The following NCOA1 variants were observed in gnomAD, a reference collection of about 807,000 sequenced individuals.
NCOA1 encodes the protein nuclear receptor coactivator 1.
NCOA1 carries 35 observed loss-of-function variants against 150.9 expected under a neutral mutation model. That is an observed-to-expected ratio of 0.23 (90% CI 0.18 to 0.31). The LOEUF (loss-of-function observed/expected upper bound fraction) is 0.31, where lower values mean the gene tolerates loss of function less well. Ranked by LOEUF, NCOA1 falls within the 10% of genes least tolerant of loss-of-function variation. The pLI, the probability that NCOA1 is intolerant of heterozygous loss-of-function variation, is 1.00. For missense variants in NCOA1, 1,491 were observed against 1,749.3 expected, an observed-to-expected ratio of 0.85 and a Z score of 2.63; for synonymous variants, 590 against 630.0, an observed-to-expected ratio of 0.94 and a Z score of 0.95.
intron 14 of NCOA1, among the ~76,000 whole-genome samples, chr2:24,718,327 A>C (rs985317561): frequency 3.3e-5 from 5 of 152,226 alleles, no homozygotes; most frequent in African/African-American, 1.2e-4. Context: ...AGTGATGGCA[A>C]GGGTGTGGAA....
At chr2:24,541,626 A>G (rs1328478884) in intron 1 of NCOA1, among the ~76,000 whole-genome samples, 5 of 152,182 alleles carry the variant, frequency 3.3e-5, no homozygotes, top group Non-Finnish European at 1.5e-5. Flanking sequence ...AAGTTGACAT[A>G]AAGGGGAAAT....
chr2:24,601,928 G>A (rs530928304), intron 3 of NCOA1, among the ~76,000 whole-genome samples: 8 of 152,238 alleles, frequency 5.3e-5, no homozygotes, highest in South Asian at 2.1e-4. Context: ...GAACCACTGC[G>A]CCCAGCCACT....
intron 14 of NCOA1, among the ~76,000 whole-genome samples, chr2:24,718,558 G>A (rs75357786): frequency 6.6e-4 from 100 of 152,066 alleles, no homozygotes; most frequent in Non-Finnish European, 1.3e-3. Context: ...CTGGGTGGGC[G>A]CGGTGGCTCA....
At chr2:24,663,478 A>T (rs958096388) in intron 5 of NCOA1, among the ~76,000 whole-genome samples, 1 of 152,184 alleles carries the variant, frequency 6.6e-6, no homozygotes, top group East Asian at 1.9e-4. Context: ...GGCATATAAT[A>T]AGTATAGGAG....
chr2:24,499,406 A>G (rs891753182), intron 1 of NCOA1, among the ~76,000 whole-genome samples: 5 of 152,222 alleles, frequency 3.3e-5, no homozygotes, highest in African/African-American at 1.2e-4. Context: ...CAATATTCCA[A>G]CATTCCTCCA....
At chr2:24,493,484 G>A (rs1161755346) in intron 1 of NCOA1, among the ~76,000 whole-genome samples, 1 of 152,088 alleles carries the variant, frequency 6.6e-6, no homozygotes, top group African/African-American at 2.4e-5. Context: ...ATTTTACGTA[G>A]CTTACACTTG....
At chr2:24,557,220 A>G (rs567155566) in intron 1 of NCOA1, among the ~76,000 whole-genome samples, 2 of 152,092 alleles carry the variant, frequency 1.3e-5, no homozygotes, top group East Asian at 3.9e-4. Context: ...TAGAGTTTAA[A>G]AGATATATCT....
At chr2:24,709,114 G>T (rs1673606746) in intron 13 of NCOA1, among the ~76,000 whole-genome samples, 1 of 152,128 alleles carries the variant, frequency 6.6e-6, no homozygotes, top group Non-Finnish European at 1.5e-5. Context: ...TTGGTACAAT[G>T]AAACTAATTT....
chr2:24,496,375 G>A (rs751358786), intron 1 of NCOA1, among the ~76,000 whole-genome samples: 1 of 152,158 alleles, frequency 6.6e-6, no homozygotes, highest in Admixed American at 6.5e-5. Flanking sequence ...AAAGTGCTAC[G>A]CAATGAAGAA....
At chr2:24,591,070 A>T (rs1667636402) in intron 3 of NCOA1, among the ~76,000 whole-genome samples, 1 of 152,220 alleles carries the variant, frequency 6.6e-6, no homozygotes, top group African/African-American at 2.4e-5. Flanking sequence ...ATTATATCAT[A>T]TGATCTATAA....
intron 3 of NCOA1, among the ~76,000 whole-genome samples, chr2:24,622,982 T>C (rs938034918): frequency 6.6e-5 from 10 of 152,294 alleles, no homozygotes; most frequent in Non-Finnish European, 1.3e-4. Flanking sequence ...CATGTACATA[T>C]GTTCATGTGT....
At chr2:24,767,928 C>G in intron 22 of NCOA1, 1 of 661,512 alleles carries the variant, frequency 1.5e-6, no homozygotes, top group African/African-American at 1.8e-5. Flanking sequence ...CTGGGCTTCT[C>G]CCAATCTTGG....
chr2:24,576,506 T>G (rs1666997698), intron 2 of NCOA1, among the ~76,000 whole-genome samples: 1 of 152,184 alleles, frequency 6.6e-6, no homozygotes, highest in South Asian at 2.1e-4. Context: ...TCATCTTTTC[T>G]CAGGAATCCC....
chr2:24,658,318 C>T (rs1671033223), intron 4 of NCOA1, among the ~76,000 whole-genome samples: 1 of 152,050 alleles, frequency 6.6e-6, no homozygotes, highest in Non-Finnish European at 1.5e-5. Flanking sequence ...GTTCAACATT[C>T]GGCTTCTACA....
chr2:24,681,727 G>A (rs1213115142), intron 7 of NCOA1, among the ~76,000 whole-genome samples: 1 of 143,672 alleles, frequency 7.0e-6, no homozygotes, highest in African/African-American at 2.6e-5. Flanking sequence ...TTTTTTTTGA[G>A]ACGGAGTCTT....
At position 24,741,897 on chromosome 2, in the gene NCOA1, C is replaced by T; in HGVS notation, c.3417C>T (p.Ser1139=). ...GAGCCATGCTTATGAGGCAGCAAAG[C>T]TTTGGGAACAACCTCCCTCCCTCAT... ...QQRAMLMRQQ[S]FGNNLPPSSG... Residue 1139 remains serine, a synonymous_variant, in exon 19 of 23, where the codon AGC becomes AGT. Transcript: ENST00000348332. 1 of 1,614,216 alleles carries T rather than the reference C, an allele frequency of 6.2e-7. No homozygotes were observed. The highest frequency in any genetic ancestry group is 8.5e-7 in the Non-Finnish European group (1 of 1,180,048).
chr2:24,653,781 G>A (rs17046438), intron 4 of NCOA1, among the ~76,000 whole-genome samples: 10,376 of 152,152 alleles, frequency 0.068, 472 homozygotes, highest in East Asian at 0.11. Context: ...ATTGGAGGCC[G>A]AAAAGATGAG....
chr2:24,680,073 T>A (rs1160302740), intron 7 of NCOA1, among the ~76,000 whole-genome samples: 1 of 152,202 alleles, frequency 6.6e-6, no homozygotes, highest in Non-Finnish European at 1.5e-5. Context: ...CTTAGCTTGA[T>A]CCTCATATCT....
At chr2:24,519,719 C>T (rs72803285) in intron 1 of NCOA1, among the ~76,000 whole-genome samples, 7,715 of 150,770 alleles carry the variant, frequency 0.051, 283 homozygotes, top group East Asian at 0.19. Flanking sequence ...GGCATAGTCT[C>T]GGGAGGCTGA....
Sources: allele counts gnomAD v4.1 joint callset (sites outside exome capture counted in the v4.1 genomes callset), GRCh38; gene constraint gnomAD v4.1.1; transcripts MANE v1.5; gene names NCBI Gene and HGNC (gene_info 2026-07-23, HGNC 2026-07-21).